CD109: variants seen among roughly 807,000 people sequenced by gnomAD.
CD109 encodes the protein CD109 antigen.
In CD109, 149 loss-of-function variants were observed where a neutral mutation model predicts 165.8. The observed-to-expected ratio is 0.90, with a 90% CI of 0.79 to 1.03. The LOEUF is 1.03. Among genes scored for constraint, CD109 ranks in the 50% least tolerant of loss-of-function variants. CD109 has a pLI of 0.00. For missense variants in CD109, 1,712 were observed against 1,677.8 expected (o/e 1.02, Z -0.36); for synonymous variants, 585 against 592.1 (o/e 0.99, Z 0.18).
chr6:73,780,489 AGTCTTT>A lies in CD109; in HGVS notation c.1894_1899del (p.Val632_Phe633del). ...TAGGCATGTTCATGAATTCTTTTGC[AGTCTTT>A]CAGGTATGTTTTGCTTGCTATATTG... On this transcript the variant is annotated inframe_deletion, in exon 16 of 33. Transcript: ENST00000287097. 2 of 1,604,732 alleles carry A rather than the reference AGTCTTT, an allele frequency of 1.2e-6. No homozygotes were observed. Among genetic ancestry groups the A allele is most frequent in the South Asian group, 2.2e-5 (2 of 90,824 alleles).
chr6:73,680,299 A>G, the CD109 span, among the ~76,000 whole-genome samples: 33 of 152,306 alleles, frequency 2.2e-4, no homozygotes, highest in East Asian at 5.8e-3. Context: ...ATTTTTGCAT[A>G]AGGAGGTAAA....
At chr6:73,785,172 A>G (rs1451961336) in intron 19 of CD109, among the ~76,000 whole-genome samples, 192 bp from the exon 20 acceptor site, 1 of 152,220 alleles carries the variant, frequency 6.6e-6, no homozygotes, top group Non-Finnish European at 1.5e-5. Context: ...TTATTATGTT[A>G]AGTAACATAA....
intron 2 of CD109, among the ~76,000 whole-genome samples, chr6:73,719,703 C>T (rs1226453610): frequency 6.6e-6 from 1 of 152,158 alleles, no homozygotes; most frequent in East Asian, 1.9e-4. Flanking sequence ...TCCCCCAACA[C>T]CCCCGTATTG....
At chr6:73,706,648 G>T (rs1430684305) in intron 2 of CD109, among the ~76,000 whole-genome samples, 1 of 152,180 alleles carries the variant, frequency 6.6e-6, no homozygotes, top group Non-Finnish European at 1.5e-5. Flanking sequence ...AAGGCTCAGG[G>T]TGAAATTGGT....
rs759584241 is a variant in CD109, at chr6:73,730,450, G to A, written c.383G>A (p.Arg128Lys). Residue 128 changes from arginine (R) to lysine (K), a missense_variant, in exon 4 of 33, where the codon AGA becomes AAA. Coordinates refer to ENST00000287097, the MANE Select transcript of CD109 (RefSeq NM_133493.5). ...ACCCGCTTATCATTTGAGACCAAGA[G>A]AATATCTGTCTTCATTCAAACAGAC... ...NSTRLSFETK[R>K]ISVFIQTDKA... 2 of 1,613,496 alleles carry A rather than the reference G, an allele frequency of 1.2e-6. No homozygotes were observed. Among genetic ancestry groups the A allele is most frequent in the East Asian group, 4.5e-5 (2 of 44,880 alleles).
rs952263610 is a variant in CD109 at position 73,825,455 on chromosome 6, C to T, written c.*1822C>T. The T allele has an allele frequency of 6.6e-6, 1 of 152,096 alleles. No individual in the cohort carries two copies. The highest frequency in any genetic ancestry group is 2.4e-5 in the African/African-American group (1 of 41,416). 9.4% of individuals were successfully genotyped at this position (152,096 alleles called of 1,614,324 possible). A position where few individuals can be genotyped will look rare whatever the true frequency, so the allele number is the denominator to read the frequency against. On this transcript the variant is annotated 3_prime_UTR_variant, in exon 33 of 33. Coordinates refer to ENST00000287097, the MANE Select transcript of CD109 (RefSeq NM_133493.5). ...CAAAGAAATTGGGGGAGGGTCTTGGCAAAGGACTTTCCCCTCCTCTTTCCT... is the reference window on the plus strand; with the variant it reads ...CAAAGAAATTGGGGGAGGGTCTTGGTAAAGGACTTTCCCCTCCTCTTTCCT...
At chr6:73,738,831 G>T (rs1399760035) in intron 5 of CD109, among the ~76,000 whole-genome samples, 1 of 152,176 alleles carries the variant, frequency 6.6e-6, no homozygotes, top group Admixed American at 6.5e-5. Context: ...TCATCATGCT[G>T]TTCCCTCTGC....
chr6:73,794,047 G>A (rs537785560), intron 23 of CD109, among the ~76,000 whole-genome samples: 4 of 152,314 alleles, frequency 2.6e-5, no homozygotes, highest in Admixed American at 6.5e-5. Context: ...TGTAATGTGA[G>A]CTTTTCTTCC....
At chr6:73,681,183 G>T in the CD109 span, among the ~76,000 whole-genome samples, 3 of 152,030 alleles carry the variant, frequency 2.0e-5, no homozygotes, top group African/African-American at 7.3e-5. Context: ...TTTTACCCCA[G>T]TGATATTGAG....
intron 28 of CD109, 113 bp downstream of exon 28, chr6:73,811,260 AGAG>A: frequency 4.8e-6 from 6 of 1,245,934 alleles, no homozygotes; most frequent in Non-Finnish European, 6.5e-6. Context: ...AGAGCTCTGT[AGAG>A]TAATAGGGAG....
chr6:73,766,263 A>T, intron 11 of CD109, 109 bp downstream of exon 11: 1 of 827,274 alleles, frequency 1.2e-6, no homozygotes. Flanking sequence ...AAGTGGACAC[A>T]TGTTTCTGTT....
chr6:73,683,372 A>C, the CD109 span, among the ~76,000 whole-genome samples: 1 of 152,152 alleles, frequency 6.6e-6, no homozygotes, highest in Admixed American at 6.5e-5. Flanking sequence ...CATAACGAGA[A>C]TCACCTTTGC....
chr6:73,776,680 C>T (rs1774259507), intron 15 of CD109, among the ~76,000 whole-genome samples: 1 of 151,520 alleles, frequency 6.6e-6, no homozygotes, highest in Non-Finnish European at 1.5e-5. Flanking sequence ...GCCTCAGCCT[C>T]CCAAGTAGCT....
intron 15 of CD109, among the ~76,000 whole-genome samples, chr6:73,776,001 T>C (rs895778304): frequency 2.6e-5 from 4 of 152,208 alleles, no homozygotes; most frequent in Admixed American, 1.3e-4. Flanking sequence ...ATCTTTATAA[T>C]AGAATTATTT....
chr6:73,806,292 CAT>C (rs1775559820), intron 24 of CD109, among the ~76,000 whole-genome samples: 1 of 149,850 alleles, frequency 6.7e-6, no homozygotes, highest in African/African-American at 2.5e-5. Context: ...TGTTCTCACT[CAT>C]AGGTGGAAAT....
At chr6:73,683,015 G>T in the CD109 span, among the ~76,000 whole-genome samples, 1 of 152,126 alleles carries the variant, frequency 6.6e-6, no homozygotes, top group African/African-American at 2.4e-5. Flanking sequence ...GTGATGGGAG[G>T]GGCTGCTGCA....
chr6:73,796,466 C>T (rs1775168744), intron 23 of CD109, among the ~76,000 whole-genome samples: 1 of 152,156 alleles, frequency 6.6e-6, no homozygotes, highest in South Asian at 2.1e-4. Context: ...AGTGGCCTTC[C>T]CTGACCACTT....
chr6:73,695,055 A>C (rs1377838346), upstream of CD109: 1 of 144,078 alleles, frequency 6.9e-6, no homozygotes, highest in Non-Finnish European at 1.6e-5. Flanking sequence ...CTACTTTCTC[A>C]CTTTTCCTTA....
In CD109 at chr6:73,795,419, A is replaced by C. The variant is rs539594390; in HGVS notation, c.2878+2617A>C. Among the ~76,000 whole-genome samples, 14 of 152,236 alleles carry C rather than the reference A, an allele frequency of 9.2e-5. 1 individual carries two copies. In the South Asian group the frequency reaches 2.7e-3, roughly 29 times the overall value. ...TTTGCTGTGGATCAGCAGCCATCCT[A>C]CAAAATGAATGGTCCAAATCCTCAG... On this transcript the variant is annotated intron_variant, in intron 23 of 32. Transcript: ENST00000287097.
Sources: gnomAD v4.1 joint callset for allele counts (sites outside exome capture counted in the v4.1 genomes callset) on GRCh38, gnomAD v4.1.1 for gene constraint, MANE v1.5 for transcripts, NCBI Gene and HGNC (gene_info 2026-07-23, HGNC 2026-07-21) for gene names.